STPG2: variants seen among roughly 807,000 people sequenced by gnomAD.
The protein encoded by STPG2 is sperm tail PG-rich repeat containing 2, also known as sperm-tail PG-rich repeat-containing protein 2.
Under a neutral mutation model 54.2 loss-of-function variants are expected in STPG2, and 56 were observed. The ratio of observed to expected loss-of-function variants is 1.03; its 90% CI spans 0.83 to 1.29. The LOEUF (loss-of-function observed/expected upper bound fraction) is 1.29. Among genes scored for constraint, STPG2 ranks in the 50% most tolerant of loss-of-function variants. STPG2 has a pLI of 0.00. For missense variants in STPG2, 596 were observed against 544.9 expected, an observed-to-expected ratio of 1.09 and a Z score of -0.93; for synonymous variants, 200 against 181.8, an observed-to-expected ratio of 1.10 and a Z score of -0.81.
intron 9 of STPG2, among the ~76,000 whole-genome samples, chr4:97,762,800 T>A (rs1725926684): frequency 6.6e-6 from 1 of 152,202 alleles, no homozygotes; most frequent in Non-Finnish European, 1.5e-5. Flanking sequence ...TATCAGATTA[T>A]GAAAAGATAT....
intron 9 of STPG2, among the ~76,000 whole-genome samples, chr4:97,753,563 T>G (rs1188679447): frequency 3.9e-5 from 6 of 152,072 alleles, no homozygotes; most frequent in African/African-American, 1.4e-4. Flanking sequence ...GCTTTCAATT[T>G]TATTGGATAT....
At chr4:97,684,159 G>T (rs933967352) in intron 10 of STPG2, among the ~76,000 whole-genome samples, 4 of 151,798 alleles carry the variant, frequency 2.6e-5, no homozygotes, top group African/African-American at 4.8e-5. Flanking sequence ...TTATTAAGAT[G>T]CCAATTCTTC....
chr4:97,657,442 AG>A (rs1294632697), intron 10 of STPG2, among the ~76,000 whole-genome samples: 1 of 152,188 alleles, frequency 6.6e-6, no homozygotes, highest in East Asian at 1.9e-4. Flanking sequence ...CTATTAAGGC[AG>A]GATGACATAA....
chr4:98,083,125 T>C (rs184460486), intron 5 of STPG2, among the ~76,000 whole-genome samples: 1 of 152,268 alleles, frequency 6.6e-6, no homozygotes, highest in Admixed American at 6.5e-5. Context: ...ATTCTTCTCC[T>C]TCACTTCTTC....
intron 3 of STPG2, among the ~76,000 whole-genome samples, chr4:98,123,074 G>C (rs971504270): frequency 6.6e-6 from 1 of 151,664 alleles, no homozygotes; most frequent in Non-Finnish European, 1.5e-5. Flanking sequence ...GTGTCTATTT[G>C]ATTCTTCTCT....
intron 8 of STPG2, among the ~76,000 whole-genome samples, chr4:97,929,370 A>T (rs533386013): frequency 7.0e-4 from 106 of 152,324 alleles, no homozygotes; most frequent in Middle Eastern, 6.8e-3. Context: ...AGAACAATTT[A>T]TATTCCTTTG....
intron 8 of STPG2, among the ~76,000 whole-genome samples, chr4:97,865,641 A>T (rs556360275): frequency 6.6e-6 from 1 of 152,026 alleles, no homozygotes; most frequent in East Asian, 1.9e-4. Context: ...CATAGGTGGG[A>T]ATTGAACAAT....
At chr4:97,733,849 G>A (rs895388570) in intron 9 of STPG2, among the ~76,000 whole-genome samples, 34 of 152,128 alleles carry the variant, frequency 2.2e-4, no homozygotes, top group African/African-American at 7.5e-4. Context: ...GAAGTGTGAC[G>A]GTTTACTCGA....
intron 7 of STPG2, among the ~76,000 whole-genome samples, chr4:97,966,158 C>G (rs945209216): frequency 6.6e-6 from 1 of 152,128 alleles, no homozygotes; most frequent in Non-Finnish European, 1.5e-5. Flanking sequence ...GAATGGCTAA[C>G]TAGAATAAAC....
intron 7 of STPG2, among the ~76,000 whole-genome samples, chr4:97,959,885 A>C (rs1018519146): frequency 6.6e-6 from 1 of 152,118 alleles, no homozygotes; most frequent in Non-Finnish European, 1.5e-5. Flanking sequence ...CATGGAAAGG[A>C]CATAACAAAA....
In STPG2 at chr4:97,639,808, A is replaced by C. The variant is rs1721703582; in HGVS notation, c.1320+72891T>G. On this transcript the variant is annotated intron_variant, in intron 10 of 10. Transcript: ENST00000295268. ...CAATTATTGGTTCCCAAAAGGAACC[A>C]TTTGGGAATATGATGATGATAATAA... Among the ~76,000 whole-genome samples, 3 of 152,022 alleles carry C rather than the reference A, an allele frequency of 2.0e-5. No individual in the cohort carries two copies. The South Asian group carries it at 6.2e-4, about 31-fold the overall frequency.
intron 9 of STPG2, among the ~76,000 whole-genome samples, chr4:97,715,929 T>G (rs192314861): frequency 6.6e-6 from 1 of 152,158 alleles, no homozygotes; most frequent in African/African-American, 2.4e-5. Flanking sequence ...TAGAGAAAAT[T>G]TTTGCAATCT....
At chr4:97,665,453 T>G (rs1449612455) in intron 10 of STPG2, among the ~76,000 whole-genome samples, 1 of 151,928 alleles carries the variant, frequency 6.6e-6, no homozygotes, top group African/African-American at 2.4e-5. Flanking sequence ...GACCCTGGGG[T>G]GGGTAGCTCC....
intron 8 of STPG2, among the ~76,000 whole-genome samples, chr4:97,907,895 G>C (rs1462109895): frequency 1.3e-5 from 2 of 152,142 alleles, no homozygotes; most frequent in Admixed American, 1.3e-4. Context: ...TTAAACGTTA[G>C]ACCTAAAACC....
At chr4:97,807,685 G>A (rs763632670) in intron 9 of STPG2, among the ~76,000 whole-genome samples, 2 of 151,784 alleles carry the variant, frequency 1.3e-5, no homozygotes, top group Non-Finnish European at 2.9e-5. Context: ...TATTTATTTG[G>A]AATTGAAAAG....
intron 2 of STPG2, among the ~76,000 whole-genome samples, chr4:98,128,954 G>A (rs1301059672): frequency 4.6e-5 from 7 of 151,996 alleles, no homozygotes; most frequent in South Asian, 2.1e-4. Flanking sequence ...GGCTGGTCTC[G>A]AACTCCTGAC....
intron 5 of STPG2, among the ~76,000 whole-genome samples, chr4:98,011,881 A>G (rs757736429): frequency 3.3e-5 from 5 of 152,114 alleles, no homozygotes; most frequent in Non-Finnish European, 7.4e-5. Context: ...TGGGTAGATT[A>G]CAACATTTTT....
At position 97,755,833 on chromosome 4, in the gene STPG2, T is replaced by C. The variant is rs548555167; in HGVS notation, c.1205-43019A>G. Among the ~76,000 whole-genome samples, 3 of 152,302 alleles carry C rather than the reference T, an allele frequency of 2.0e-5. No individual in the cohort carries two copies. In the East Asian group the frequency reaches 5.8e-4, roughly 29 times the overall value. ...GTTCCTGTATCTATTCCATGTTCTT[T>C]GGTTTTGAATTTTAAAAAGTCCTTG... On this transcript the variant is annotated intron_variant, in intron 9 of 10. Transcript: ENST00000295268.
Position 97,660,749 on chromosome 4 carries a change from G to A in STPG2, c.1320+51950C>T, listed in dbSNP as rs575477670. ...GATCCCCAAAAAACTTTAGAAATGC[G>A]TTACTGTCATTATCCCAGTTTTATA... On this transcript the variant is annotated intron_variant, in intron 10 of 10. Transcript: ENST00000295268. Among the ~76,000 whole-genome samples the A allele has an allele frequency of 5.5e-4, 84 of 152,136 alleles. 1 individual carries two copies. The highest frequency in any genetic ancestry group is 2.1e-4 in the Non-Finnish European group (14 of 67,996).
Sources: gnomAD v4.1 joint callset for allele counts (sites outside exome capture counted in the v4.1 genomes callset) on GRCh38, gnomAD v4.1.1 for gene constraint, MANE v1.5 for transcripts, NCBI Gene and HGNC (gene_info 2026-07-23, HGNC 2026-07-21) for gene names.